ABCG2: variants seen among roughly 807,000 people sequenced by gnomAD.
ABCG2 encodes ATP binding cassette subfamily G member 2 (JR blood group), also known as broad substrate specificity ATP-binding cassette transporter ABCG2.
A neutral mutation model predicts 73.5 loss-of-function variants in ABCG2; 80 were observed. The ratio of observed to expected loss-of-function variants is 1.09; its 90% confidence interval spans 0.91 to 1.31. The LOEUF (loss-of-function observed/expected upper bound fraction) is 1.31, where lower values mean the gene tolerates loss of function less well. Ranked by LOEUF, ABCG2 falls within the 50% of genes most tolerant of loss-of-function variation. The pLI, the probability that ABCG2 is intolerant of heterozygous loss-of-function variation, is 0.00. For missense variants in ABCG2, 796 were observed against 786.2 expected (o/e 1.01, Z -0.15); for synonymous variants, 269 against 282.4 (o/e 0.95, Z 0.48).
intron 9 of ABCG2, among the ~76,000 whole-genome samples, chr4:88,110,025 C>T (rs1484895364): frequency 6.6e-6 from 1 of 152,142 alleles, no homozygotes; most frequent in Non-Finnish European, 1.5e-5. Flanking sequence ...TCATAGTTCA[C>T]TGCAGCCTCA....
chr4:88,135,932 T>C (rs1288379177), intron 2 of ABCG2, among the ~76,000 whole-genome samples: 1 of 152,084 alleles, frequency 6.6e-6, no homozygotes, highest in Non-Finnish European at 1.5e-5. Flanking sequence ...TCTTATTCCA[T>C]AATATAAACA....
chr4:88,169,792 C>T (rs1727684274), intron 1 of ABCG2, among the ~76,000 whole-genome samples: 1 of 152,036 alleles, frequency 6.6e-6, no homozygotes, highest in Admixed American at 6.6e-5. Flanking sequence ...TACATTAGGT[C>T]CCATGTTTGG....
intron 15 of ABCG2, among the ~76,000 whole-genome samples, chr4:88,094,012 A>G (rs968523224): frequency 6.6e-6 from 1 of 152,232 alleles, no homozygotes; most frequent in Non-Finnish European, 1.5e-5. Context: ...TTTAAAAACA[A>G]CAACACATGA....
At chr4:88,146,310 C>CA (rs1159888832) in intron 1 of ABCG2, among the ~76,000 whole-genome samples, 53 of 137,406 alleles carry the variant, frequency 3.9e-4, no homozygotes, top group South Asian at 2.4e-3. Context: ...TTAATATGAC[C>CA]AAAAAAAAAA....
chr4:88,093,783 T>C (rs1721807134), intron 15 of ABCG2, among the ~76,000 whole-genome samples: 1 of 152,192 alleles, frequency 6.6e-6, no homozygotes, highest in South Asian at 2.1e-4. Flanking sequence ...TTGAGGATAA[T>C]ATCAACATTC....
chr4:88,123,217 G>A lies in ABCG2; in HGVS notation c.532-1425C>T, dbSNP rs1724137985. Reference sequence around the variant, plus strand: ...CAAAGGTAGATAAATCTATGAAGATGAGGAAAAACCTGTGCAAAAAGGCAG... The same window carrying A: ...CAAAGGTAGATAAATCTATGAAGATAAGGAAAAACCTGTGCAAAAAGGCAG... On this transcript the variant is annotated intron_variant, in intron 5 of 15. Transcript: ENST00000237612. Among the ~76,000 whole-genome samples, 2 of 152,276 alleles carry A rather than the reference G, an allele frequency of 1.3e-5. 1 individual carries two copies. The highest frequency in any genetic ancestry group is 2.9e-5 in the Non-Finnish European group (2 of 68,032).
intron 1 of ABCG2, among the ~76,000 whole-genome samples, chr4:88,212,166 TA>T (rs1377257865): frequency 2.0e-5 from 3 of 152,190 alleles, no homozygotes; most frequent in African/African-American, 7.2e-5. Context: ...CTCTTGTGAT[TA>T]AAATTTCACT....
intron 9 of ABCG2, 105 bp from the exon 10 acceptor site, chr4:88,107,371 C>G (rs1722836115): frequency 1.3e-6 from 1 of 771,548 alleles, no homozygotes. Flanking sequence ...AATCAGATCT[C>G]TCCATTAAGA....
In ABCG2 at chr4:88,154,954, T is replaced by C. The variant is rs796715217; in HGVS notation, c.-20+3432A>G. Among the ~76,000 whole-genome samples the C allele has an allele frequency of 1.6e-3, 241 of 152,184 alleles. 1 individual carries two copies. Among genetic ancestry groups the C allele is most frequent in the African/African-American group, 5.5e-3 (230 of 41,516 alleles). ...GCTAGGCTAAAACAGTAAGGTCAAG[T>C]TGTTTGGACAAAAAGGCTACAGGAC... On this transcript the variant is annotated intron_variant, in intron 1 of 15. Coordinates refer to ENST00000237612, the MANE Select transcript of ABCG2 (RefSeq NM_004827.3).
intron 1 of ABCG2, among the ~76,000 whole-genome samples, chr4:88,181,976 T>C (rs1369111497): frequency 2.0e-5 from 3 of 151,800 alleles, no homozygotes; most frequent in Non-Finnish European, 2.9e-5. Context: ...AATAAAAAGA[T>C]ATAGAGTCGT....
rs763927336 is a variant in ABCG2 at position 88,113,505 on chromosome 4, T to A, written c.992A>T (p.Lys331Ile). The A allele has an allele frequency of 6.2e-7, 1 of 1,614,124 alleles. No homozygotes were observed. Among genetic ancestry groups the A allele is most frequent in the Non-Finnish European group, 8.5e-7 (1 of 1,180,012 alleles). ...PSKQDKPLIE[K>I]LAEIYVNSSF... is the part of the protein sequence containing the mutation. The stretch of plus-strand genomic sequence containing the variant: ...GGAGTTGACATAAATCTCCGCTAAT[T>A]TTTCTATGAGTGGCTTATCCTGCTT... The change falls in exon 9 of 16, where the codon AAA becomes ATA. Residue 331 changes from lysine (K) to isoleucine (I), a missense_variant. Transcript: ENST00000237612.
chr4:88,159,148 A>G (rs1727168793), upstream of ABCG2: 2 of 456,206 alleles, frequency 4.4e-6, no homozygotes, highest in East Asian at 6.9e-5. Context: ...ATCGAACGGA[A>G]TGAACCAGAG....
At chr4:88,200,986 A>G (rs1409426571) in intron 1 of ABCG2, among the ~76,000 whole-genome samples, 1 of 152,120 alleles carries the variant, frequency 6.6e-6, no homozygotes, top group Non-Finnish European at 1.5e-5. Context: ...TTGGAAACAT[A>G]TATTAGAAAA....
intron 1 of ABCG2, among the ~76,000 whole-genome samples, chr4:88,166,406 T>C (rs184315132): frequency 9.8e-5 from 15 of 152,356 alleles, no homozygotes; most frequent in Admixed American, 3.3e-4. Flanking sequence ...TTTTCCCATA[T>C]TATTGGCATA....
chr4:88,215,018 G>A (rs567671534), intron 1 of ABCG2, among the ~76,000 whole-genome samples: 5 of 152,242 alleles, frequency 3.3e-5, no homozygotes, highest in Admixed American at 3.3e-4. Flanking sequence ...CTTGAGCCCA[G>A]GACGTTGAGG....
chr4:88,153,304 G>T (rs1313943404), intron 1 of ABCG2, among the ~76,000 whole-genome samples: 2 of 152,032 alleles, frequency 1.3e-5, no homozygotes, highest in East Asian at 1.9e-4. Flanking sequence ...ACAAGTTTTT[G>T]GGGGCGCAGT....
intron 12 of ABCG2, 39 bp downstream of exon 12, chr4:88,099,285 A>C (rs774591660): frequency 7.2e-6 from 11 of 1,530,914 alleles, no homozygotes; most frequent in Non-Finnish European, 9.6e-6. Context: ...CATAGGCAAG[A>C]CTAAAGACAT....
At chr4:88,142,941 C>T (rs1484154999) in intron 1 of ABCG2, among the ~76,000 whole-genome samples, 2 of 151,968 alleles carry the variant, frequency 1.3e-5, no homozygotes, top group Non-Finnish European at 2.9e-5. Context: ...GAGTAATACC[C>T]CATCTCAAAA....
chr4:88,168,968 G>T (rs1482956017), intron 1 of ABCG2, among the ~76,000 whole-genome samples: 1 of 151,316 alleles, frequency 6.6e-6, no homozygotes, highest in Non-Finnish European at 1.5e-5. Flanking sequence ...ACTCCCAAAG[G>T]TCATCCCATC....
Sources: allele counts gnomAD v4.1 joint callset (sites outside exome capture counted in the v4.1 genomes callset), GRCh38; gene constraint gnomAD v4.1.1; transcripts MANE v1.5; gene names NCBI Gene and HGNC (gene_info 2026-07-23, HGNC 2026-07-21).